Variants in STYK1 observed in about 807,000 individuals in gnomAD.
STYK1 encodes the protein tyrosine-protein kinase STYK1.
Under a neutral mutation model 48.1 loss-of-function variants are expected in STYK1, and 46 were observed. The ratio of observed to expected loss-of-function variants is 0.96; its 90% CI spans 0.75 to 1.22. The LOEUF is 1.22. Ranked by LOEUF, STYK1 falls within the 50% of genes most tolerant of loss-of-function variation. The pLI is 0.00. For missense variants in STYK1, 527 were observed against 521.1 expected (o/e 1.01, Z -0.11); for synonymous variants, 188 against 189.0 (o/e 0.99, Z 0.04).
intron 4 of STYK1, among the ~76,000 whole-genome samples, chr12:10,632,917 A>T (rs181651685): frequency 7.0e-6 from 1 of 142,760 alleles, no homozygotes; most frequent in Non-Finnish European, 1.6e-5. Flanking sequence ...GATAGGCAAG[A>T]CTATTTGCGG....
intron 1 of STYK1, among the ~76,000 whole-genome samples, chr12:10,669,448 A>G (rs1947869759): frequency 6.6e-6 from 1 of 152,100 alleles, no homozygotes; most frequent in East Asian, 1.9e-4. Flanking sequence ...TAGATAATAT[A>G]CTCAATAAAG....
intron 1 of STYK1, among the ~76,000 whole-genome samples, chr12:10,649,352 G>A (rs1947634775): frequency 6.6e-6 from 1 of 152,138 alleles, no homozygotes; most frequent in South Asian, 2.1e-4. Context: ...AAGGAGGGAT[G>A]TTTCAAATTA....
At chr12:10,667,208 G>T (rs1253284881) in intron 1 of STYK1, 1 of 152,096 alleles carries the variant, frequency 6.6e-6, no homozygotes, top group Non-Finnish European at 1.5e-5. Context: ...ACTAAAACAG[G>T]TTTCCTTTTC....
intron 7 of STYK1, among the ~76,000 whole-genome samples, chr12:10,625,452 T>C (rs11053886): frequency 0.58 from 87,724 of 151,950 alleles, 26,882 homozygotes; most frequent in East Asian, 0.79. Context: ...TTCCTGACCT[T>C]GTGATCTGCC....
At chr12:10,640,660 T>TGGTACTCACC (rs1281924751) in intron 1 of STYK1, 1 of 152,210 alleles carries the variant, frequency 6.6e-6, no homozygotes, top group African/African-American at 2.4e-5. Context: ...TTTGACTCAC[T>TGGTACTCACC]GGTACTCACC....
At chr12:10,636,057 T>G (rs1247904191) in intron 2 of STYK1, among the ~76,000 whole-genome samples, 1 of 152,248 alleles carries the variant, frequency 6.6e-6, no homozygotes, top group Non-Finnish European at 1.5e-5. Context: ...TTATATAATA[T>G]GCTACTATGT....
At chr12:10,650,378 A>T (rs1206749725) in intron 1 of STYK1, among the ~76,000 whole-genome samples, 2 of 152,216 alleles carry the variant, frequency 1.3e-5, no homozygotes, top group African/African-American at 2.4e-5. Context: ...GCCTGCTTAC[A>T]TCAGAGGATT....
At chr12:10,639,393 A>G (rs1947519853) in intron 1 of STYK1, among the ~76,000 whole-genome samples, 1 of 152,046 alleles carries the variant, frequency 6.6e-6, no homozygotes, top group African/African-American at 2.4e-5. Flanking sequence ...GTTATGAATT[A>G]GTGATTAAGT....
chr12:10,624,742 G>T lies in STYK1; in HGVS notation c.835C>A (p.Arg279=). The change falls in exon 8 of 11, where the codon CGA becomes AGA. Residue 279 remains arginine, a synonymous_variant. Transcript: ENST00000075503. ...GLGLAYEVYT[R]GAISSTQTIP... ...GTTTGAGTAGAGGAGATGGCCCCTC[G>T]GGTGTAAACTTCATAAGCCAGGCCT... 2.5e-6 allele frequency: 4 copies of T among 1,614,096 alleles called. No individual in the cohort carries two copies. Among genetic ancestry groups the T allele is most frequent in the Non-Finnish European group, 3.4e-6 (4 of 1,180,012 alleles).
chr12:10,648,544 A>G (rs953778629), intron 1 of STYK1, among the ~76,000 whole-genome samples: 2 of 152,114 alleles, frequency 1.3e-5, no homozygotes, highest in Non-Finnish European at 2.9e-5. Context: ...TATCTTAACT[A>G]GTAATTTTAA....
At chr12:10,669,146 A>C (rs1193563061) in intron 1 of STYK1, among the ~76,000 whole-genome samples, 3 of 152,244 alleles carry the variant, frequency 2.0e-5, no homozygotes, top group Non-Finnish European at 2.9e-5. Flanking sequence ...ATAAATAAGT[A>C]GCTAATTCAT....
At chr12:10,634,479 C>A in intron 3 of STYK1, 88 bp downstream of exon 3, 1 of 1,416,646 alleles carries the variant, frequency 7.1e-7, no homozygotes, top group South Asian at 1.2e-5. Flanking sequence ...TACTGGAAAT[C>A]AAATCATCCT....
At chr12:10,659,271 A>G (rs1311398920) in intron 1 of STYK1, among the ~76,000 whole-genome samples, 7 of 152,162 alleles carry the variant, frequency 4.6e-5, no homozygotes, top group African/African-American at 1.4e-4. Flanking sequence ...TGTAAACAAA[A>G]TTTTAGAGCA....
At chr12:10,660,203 T>C (rs1159534334) in intron 1 of STYK1, among the ~76,000 whole-genome samples, 1 of 152,214 alleles carries the variant, frequency 6.6e-6, no homozygotes, top group African/African-American at 2.4e-5. Flanking sequence ...TGTGTAGGAA[T>C]GCAGTATAAG....
At position 10,664,293 on chromosome 12, in the gene STYK1, A is replaced by G. The variant is rs1239304128; in HGVS notation, c.-195+9673T>C. Among the ~76,000 whole-genome samples the G allele has an allele frequency of 2.0e-5, 3 of 152,260 alleles. No individual in the cohort carries two copies. The East Asian group carries it at 5.8e-4, about 29-fold the overall frequency. ...TTGCAGGGACAAGAGAGTGTGTCCA[A>G]AGAATTCACATCCCTAACTTCCTAT... On this transcript the variant is annotated intron_variant, in intron 1 of 10. Coordinates refer to ENST00000075503, the MANE Select transcript of STYK1 (RefSeq NM_018423.3).
intron 1 of STYK1, among the ~76,000 whole-genome samples, chr12:10,659,809 T>A (rs1252899522): frequency 6.6e-6 from 1 of 152,206 alleles, no homozygotes; most frequent in Non-Finnish European, 1.5e-5. Flanking sequence ...TAAAGCTTAT[T>A]TTTGCAAACA....
intron 1 of STYK1, among the ~76,000 whole-genome samples, chr12:10,644,114 G>A (rs182111671): frequency 1.2e-4 from 18 of 152,318 alleles, no homozygotes; most frequent in African/African-American, 4.3e-4. Flanking sequence ...GGTTCCATCC[G>A]TATAATATTT....
rs184730880 is a variant in STYK1, at chr12:10,619,980, C to T, written c.*164G>A. 436 of 749,298 alleles carry T rather than the reference C, an allele frequency of 5.8e-4. 5 individuals are homozygous for T. Among genetic ancestry groups the T allele is most frequent in the South Asian group, 5.2e-3 (305 of 59,004 alleles). 46.4% of individuals were successfully genotyped at this position (749,298 alleles called of 1,614,324 possible). On this transcript the variant is annotated 3_prime_UTR_variant, in exon 11 of 11. Transcript: ENST00000075503. ...GTCTTAGCTCAGGATGTGTAGAGTC[C>T]CATCCAGCATCATTTCAGATTTCCC...
At position 10,629,524 on chromosome 12, in the gene STYK1, T is replaced by TC. The variant is rs1947397169; in HGVS notation, c.601dup (p.Asp201GlyfsTer22). 6.2e-7 allele frequency: 1 copy of TC among 1,614,042 alleles called. No individual in the cohort carries two copies. The highest frequency in any genetic ancestry group is 1.3e-5 in the African/African-American group (1 of 74,930). On this transcript the variant is annotated frameshift_variant, in exon 6 of 11. Coordinates refer to ENST00000075503, the MANE Select transcript of STYK1 (RefSeq NM_018423.3). LOFTEE classifies it high-confidence loss of function. Reference sequence around the variant, plus strand: ...ACAGGTCCAGAGAAAGCTGAGCAGGTCCCCCTGGGCCACATCCTCCAACAC... The same window carrying TC: ...ACAGGTCCAGAGAAAGCTGAGCAGGTCCCCCCTGGGCCACATCCTCCAACAC...
Sources: gnomAD v4.1 joint callset for allele counts (sites outside exome capture counted in the v4.1 genomes callset) on GRCh38, gnomAD v4.1.1 for gene constraint, MANE v1.5 for transcripts, NCBI Gene and HGNC (gene_info 2026-07-23, HGNC 2026-07-21) for gene names.